MSRA: variants seen among roughly 807,000 people sequenced by gnomAD.
MSRA encodes mitochondrial peptide methionine sulfoxide reductase.
MSRA carries 54 observed loss-of-function variants against 31.3 expected under a neutral mutation model. The ratio of observed to expected loss-of-function variants is 1.73; its 90% CI spans 1.39 to 2.17. The LOEUF (loss-of-function observed/expected upper bound fraction) is 2.17. MSRA is among the 30% of genes most tolerant of loss of function. The pLI is 0.00. For synonymous variants in MSRA, 169 were observed against 116.5 expected, an observed-to-expected ratio of 1.45 and a Z score of -2.90; for missense variants, 507 against 300.9, an observed-to-expected ratio of 1.69 and a Z score of -5.07.
intron 1 of MSRA, among the ~76,000 whole-genome samples, chr8:10,070,029 C>T (rs1441143255): frequency 6.6e-6 from 1 of 152,066 alleles, no homozygotes; most frequent in East Asian, 1.9e-4. Flanking sequence ...TAAATCTTGC[C>T]AAGGATATAA....
Position 10,425,667 on chromosome 8 carries a change from G to GGCAC in MSRA, c.544-2481_544-2480insGCAC, listed in dbSNP as rs1809110987. Among the ~76,000 whole-genome samples, 5 of 152,374 alleles carry GGCAC rather than the reference G, an allele frequency of 3.3e-5. No homozygotes were observed. The South Asian group carries it at 1.0e-3, about 32-fold the overall frequency. On this transcript the variant is annotated intron_variant, in intron 5 of 5. Transcript: ENST00000317173. ...CGCCTCCAGTACGCAGGCACAGGCA[G>GGCAC]CTCAGGGCCGGGAGCGAGGCCCGTC...
chr8:10,274,374 G>A (rs185263290), intron 3 of MSRA, among the ~76,000 whole-genome samples: 40 of 152,268 alleles, frequency 2.6e-4, no homozygotes, highest in African/African-American at 8.9e-4. Context: ...ACAGTTATGG[G>A]AAAGCAGATG....
chr8:10,305,409 CTTTT>C (rs549346544), intron 4 of MSRA, among the ~76,000 whole-genome samples: 2,715 of 122,870 alleles, frequency 0.022, 76 homozygotes, highest in African/African-American at 0.062. Context: ...TGTTTTCTTC[CTTTT>C]TTTTTTTTTT....
intron 5 of MSRA, among the ~76,000 whole-genome samples, chr8:10,354,824 C>G (rs1417128992): frequency 6.7e-6 from 1 of 150,244 alleles, no homozygotes; most frequent in Admixed American, 6.7e-5. Flanking sequence ...ACTATGTAGT[C>G]TCATTGAATG....
At position 10,391,279 on chromosome 8, in the gene MSRA, G is replaced by C. The variant is rs530545805; in HGVS notation, c.544-36869G>C. 5.3e-5 allele frequency among the ~76,000 whole-genome samples: 8 copies of C among 152,276 alleles called. 1 individual carries two copies. The highest frequency in any genetic ancestry group is 5.2e-4 in the Admixed American group (8 of 15,298). On this transcript the variant is annotated intron_variant, in intron 5 of 5. Transcript: ENST00000317173. ...CATTGCTACACCTGCTGAAGACCCG[G>C]ACTCAAGGTCTGCTCTGGCCCCTGA...
At chr8:10,129,389 G>T (rs1221855256) in intron 1 of MSRA, among the ~76,000 whole-genome samples, 2 of 152,126 alleles carry the variant, frequency 1.3e-5, no homozygotes, top group Non-Finnish European at 2.9e-5. Flanking sequence ...ACATCTTTCA[G>T]GGTTATTCAG....
intron 5 of MSRA, among the ~76,000 whole-genome samples, chr8:10,330,912 G>A (rs1381584894): frequency 6.6e-6 from 1 of 152,178 alleles, no homozygotes; most frequent in East Asian, 1.9e-4. Flanking sequence ...CCAGTGTGAT[G>A]GTGTTTGGAC....
At chr8:10,327,131 A>G (rs999306074) in intron 5 of MSRA, among the ~76,000 whole-genome samples, 4 of 152,242 alleles carry the variant, frequency 2.6e-5, no homozygotes, top group Admixed American at 6.5e-5. Flanking sequence ...ATATTTTACA[A>G]TATATTAAGT....
At chr8:10,269,104 A>C (rs1798895468) in intron 3 of MSRA, among the ~76,000 whole-genome samples, 1 of 152,254 alleles carries the variant, frequency 6.6e-6, no homozygotes, top group South Asian at 2.1e-4. Context: ...ATAGAGTTCT[A>C]GCCAATGTCG....
intron 5 of MSRA, among the ~76,000 whole-genome samples, chr8:10,415,954 C>T (rs1260792665): frequency 6.6e-6 from 1 of 152,104 alleles, no homozygotes; most frequent in African/African-American, 2.4e-5. Flanking sequence ...CCCTCTGCCT[C>T]GCGTGGTGGA....
At chr8:10,100,505 G>A (rs1019227886) in intron 1 of MSRA, among the ~76,000 whole-genome samples, 2 of 152,128 alleles carry the variant, frequency 1.3e-5, no homozygotes, top group African/African-American at 4.8e-5. Flanking sequence ...CAGTGTTCCA[G>A]TATCTGACCA....
intron 5 of MSRA, among the ~76,000 whole-genome samples, chr8:10,405,499 C>T (rs1040382354): frequency 1.3e-5 from 2 of 152,208 alleles, no homozygotes; most frequent in South Asian, 2.1e-4. Flanking sequence ...GAGTTACATG[C>T]CCGGCATTTT....
chr8:10,363,518 T>C (rs544887899), intron 5 of MSRA, among the ~76,000 whole-genome samples: 1 of 152,218 alleles, frequency 6.6e-6, no homozygotes, highest in African/African-American at 2.4e-5. Context: ...GTGCCTGTCT[T>C]GTAGCATGAC....
chr8:10,401,765 G>A (rs1463442841), intron 5 of MSRA, among the ~76,000 whole-genome samples: 6 of 152,140 alleles, frequency 3.9e-5, no homozygotes, highest in Admixed American at 3.3e-4. Context: ...ACAGATGGGC[G>A]AACCTTGAGG....
Position 10,323,149 on chromosome 8 carries a change from C to A in MSRA, c.543+3160C>A, listed in dbSNP as rs112132585. Among the ~76,000 whole-genome samples, 65 of 151,476 alleles carry A rather than the reference C, an allele frequency of 4.3e-4. 2 individuals are homozygous for A. The highest frequency in any genetic ancestry group is 3.5e-3 in the Middle Eastern group (1 of 288). ...TTAGTACCCGAGGAACTGATTCCTC[C>A]ACTTGAGCGGTGGGAGGGGAACTGT... On this transcript the variant is annotated intron_variant, in intron 5 of 5. Coordinates refer to ENST00000317173, the MANE Select transcript of MSRA (RefSeq NM_012331.5).
intron 5 of MSRA, among the ~76,000 whole-genome samples, chr8:10,397,062 C>T (rs936940181): frequency 6.6e-6 from 1 of 152,208 alleles, no homozygotes; most frequent in Non-Finnish European, 1.5e-5. Context: ...AGACTGTGTC[C>T]TGCTCATCCT....
At chr8:10,261,411 T>C (rs1278023820) in intron 3 of MSRA, among the ~76,000 whole-genome samples, 1 of 147,430 alleles carries the variant, frequency 6.8e-6, no homozygotes, top group East Asian at 2.0e-4. Context: ...AAAAAGACTA[T>C]AAGGCCAGAT....
rs763140045 is a variant in MSRA, at chr8:10,428,210, C to G, written c.606C>G (p.Tyr202Ter). ...ACATCCGGGAGGGACAGACTTTCTA[C>G]TATGCGGAAGACTACCACCAGCAGT... is the stretch of plus-strand genomic sequence containing the variant. ...TTDIREGQTF[Y>*]YAEDYHQQYL... The change falls in exon 6 of 6, where the codon TAC becomes TAG. Residue 202 changes from tyrosine to a stop codon, truncating the protein, a stop_gained. Coordinates refer to ENST00000317173, the MANE Select transcript of MSRA (RefSeq NM_012331.5). LOFTEE classifies it high-confidence loss of function. 1 of 1,614,070 alleles carries G rather than the reference C, an allele frequency of 6.2e-7. No homozygotes were observed. Among genetic ancestry groups the G allele is most frequent in the Non-Finnish European group, 8.5e-7 (1 of 1,180,040 alleles).
intron 4 of MSRA, among the ~76,000 whole-genome samples, chr8:10,312,969 A>T (rs1225388023): frequency 6.6e-6 from 1 of 152,244 alleles, no homozygotes. Context: ...AGAGAATGCC[A>T]TTGCAATTTC....
Sources: gnomAD v4.1 joint callset for allele counts (sites outside exome capture counted in the v4.1 genomes callset) on GRCh38, gnomAD v4.1.1 for gene constraint, MANE v1.5 for transcripts, NCBI Gene and HGNC (gene_info 2026-07-23, HGNC 2026-07-21) for gene names.